The following CNTNAP2 variants were observed in gnomAD, a reference collection of about 807,000 sequenced individuals.
The protein encoded by CNTNAP2 is contactin associated protein 2, also known as contactin-associated protein-like 2.
CNTNAP2 carries 98 observed loss-of-function variants against 155.2 expected under a neutral mutation model. That is an observed-to-expected ratio of 0.63 (90% CI 0.54 to 0.75). The LOEUF is 0.75. Among genes scored for constraint, CNTNAP2 ranks in the 30% least tolerant of loss-of-function variants. The probability of loss-of-function intolerance (pLI) is 0.00; values close to 1 mark genes in which losing one functional copy is unlikely to be tolerated. For synonymous variants in CNTNAP2, 651 were observed against 631.2 expected (o/e 1.03, Z -0.47); for missense variants, 1,727 against 1,688.1 (o/e 1.02, Z -0.40).
chr7:146,633,065 T>G (rs1799535820), intron 1 of CNTNAP2, among the ~76,000 whole-genome samples: 1 of 152,150 alleles, frequency 6.6e-6, no homozygotes, highest in Non-Finnish European at 1.5e-5. Flanking sequence ...TTTTTCTTTG[T>G]CCCTTTTTTA....
chr7:148,137,485 C>T (rs1250780404), intron 16 of CNTNAP2, among the ~76,000 whole-genome samples: 1 of 152,166 alleles, frequency 6.6e-6, no homozygotes, highest in African/African-American at 2.4e-5. Context: ...CATGGCAAAA[C>T]CCCATCTCTA....
chr7:147,174,564 T>C (rs1802297005), intron 8 of CNTNAP2, among the ~76,000 whole-genome samples: 1 of 152,164 alleles, frequency 6.6e-6, no homozygotes, highest in South Asian at 2.1e-4. Context: ...GAACCGTGAC[T>C]TAGAAACTCT....
At chr7:148,123,230 C>T (rs192240018) in intron 16 of CNTNAP2, among the ~76,000 whole-genome samples, 2 of 152,064 alleles carry the variant, frequency 1.3e-5, no homozygotes, top group Admixed American at 6.6e-5. Context: ...ATGAGATTGC[C>T]CAAAACAAAT....
chr7:148,101,826 G>T (rs1804108050), intron 15 of CNTNAP2, among the ~76,000 whole-genome samples: 1 of 152,090 alleles, frequency 6.6e-6, no homozygotes, highest in Non-Finnish European at 1.5e-5. Context: ...CCATGCTATG[G>T]CAGGGGAAGC....
chr7:147,880,760 GT>G (rs1799505686), intron 13 of CNTNAP2, among the ~76,000 whole-genome samples: 1 of 151,908 alleles, frequency 6.6e-6, no homozygotes, highest in Non-Finnish European at 1.5e-5. Flanking sequence ...GAGAGGTCTG[GT>G]AAAATAAAAA....
At chr7:148,097,867 A>T (rs1465691354) in intron 15 of CNTNAP2, among the ~76,000 whole-genome samples, 1 of 152,250 alleles carries the variant, frequency 6.6e-6, no homozygotes, top group African/African-American at 2.4e-5. Context: ...AGAACAAAAT[A>T]GGCAAAGTGA....
At chr7:146,857,548 A>G (rs1291203323) in intron 3 of CNTNAP2, among the ~76,000 whole-genome samples, 1 of 152,198 alleles carries the variant, frequency 6.6e-6, no homozygotes, top group Non-Finnish European at 1.5e-5. Context: ...CTTTCCATTA[A>G]CTAGCTAATA....
At chr7:146,202,641 A>G (rs1180597273) in intron 1 of CNTNAP2, among the ~76,000 whole-genome samples, 1 of 152,138 alleles carries the variant, frequency 6.6e-6, no homozygotes, top group African/African-American at 2.4e-5. Context: ...AGAATATAAA[A>G]TGTCTACTAG....
intron 13 of CNTNAP2, among the ~76,000 whole-genome samples, chr7:147,823,935 A>C (rs1265143702): frequency 1.3e-5 from 2 of 152,172 alleles, no homozygotes; most frequent in African/African-American, 4.8e-5. Flanking sequence ...AACTCAATAT[A>C]AGAAGGCTAT....
chr7:147,461,637 C>A (rs1798027318), intron 10 of CNTNAP2, among the ~76,000 whole-genome samples: 1 of 151,796 alleles, frequency 6.6e-6, no homozygotes, highest in African/African-American at 2.4e-5. Flanking sequence ...TGGGGGCATT[C>A]TGAAATTTAA....
At chr7:146,133,826 A>G (rs1347769558) in intron 1 of CNTNAP2, among the ~76,000 whole-genome samples, 1 of 152,062 alleles carries the variant, frequency 6.6e-6, no homozygotes, top group African/African-American at 2.4e-5. Flanking sequence ...GCCTTGTAGT[A>G]TAGCTTGAAG....
intron 9 of CNTNAP2, among the ~76,000 whole-genome samples, chr7:147,364,853 A>G (rs1018692677): frequency 6.8e-6 from 1 of 147,182 alleles, no homozygotes; most frequent in Non-Finnish European, 1.5e-5. Flanking sequence ...AGTCTCGGGA[A>G]AAAAAAAAAA....
intron 2 of CNTNAP2, among the ~76,000 whole-genome samples, chr7:146,785,364 A>G (rs1470641230): frequency 6.6e-6 from 1 of 152,242 alleles, no homozygotes; most frequent in East Asian, 1.9e-4. Context: ...TTCTACCATC[A>G]GAAATATTCA....
At chr7:148,225,465 T>C (rs536405249) in intron 19 of CNTNAP2, among the ~76,000 whole-genome samples, 1 of 151,830 alleles carries the variant, frequency 6.6e-6, no homozygotes, top group Non-Finnish European at 1.5e-5. Flanking sequence ...ATGTGGATGG[T>C]GAGGAGTGAG....
rs35033097 is a variant in CNTNAP2 at position 146,395,826 on chromosome 7, GGAGA to G, written c.97+278880_97+278883del. Among the ~76,000 whole-genome samples the G allele has an allele frequency of 3.7e-3, 430 of 116,816 alleles. 3 individuals carry two copies. Among genetic ancestry groups the G allele is most frequent in the Middle Eastern group, 0.012 (3 of 244 alleles). 76.6% of individuals were successfully genotyped at this position (116,816 alleles called of 152,430 possible). A position where few individuals can be genotyped will look rare whatever the true frequency, so the allele number is the denominator to read the frequency against. ...ATAGATAGATAGATAGATAGATAGA[GGAGA>G]GAGAGAGAGAGAGAGAGAGAGAGAG... is the stretch of plus-strand genomic sequence containing the variant. On this transcript the variant is annotated intron_variant, in intron 1 of 23. Coordinates refer to ENST00000361727, the MANE Select transcript of CNTNAP2 (RefSeq NM_014141.6).
intron 3 of CNTNAP2, among the ~76,000 whole-genome samples, chr7:146,997,991 C>A (rs1046072383): frequency 1.3e-5 from 2 of 151,928 alleles, no homozygotes; most frequent in South Asian, 4.1e-4. Flanking sequence ...AAAAAACTAA[C>A]TCAGTTTTGT....
At chr7:146,797,193 C>T (rs1017248676) in intron 2 of CNTNAP2, among the ~76,000 whole-genome samples, 16 of 152,054 alleles carry the variant, frequency 1.1e-4, no homozygotes, top group Non-Finnish European at 1.3e-4. Context: ...AAGGGTGGGC[C>T]AGTTGCACCT....
intron 15 of CNTNAP2, among the ~76,000 whole-genome samples, chr7:148,053,332 G>T (rs1044902028): frequency 1.1e-4 from 16 of 152,140 alleles, no homozygotes; most frequent in African/African-American, 3.6e-4. Context: ...TTAAAATGTG[G>T]ATCTTAACTG....
intron 10 of CNTNAP2, among the ~76,000 whole-genome samples, chr7:147,412,541 A>G (rs1012447451): frequency 5.3e-5 from 8 of 152,158 alleles, no homozygotes; most frequent in African/African-American, 1.9e-4. Flanking sequence ...TGAGCTTCCC[A>G]AGAATGGGAA....
Sources: allele counts gnomAD v4.1 joint callset (sites outside exome capture counted in the v4.1 genomes callset), GRCh38; gene constraint gnomAD v4.1.1; transcripts MANE v1.5; gene names NCBI Gene and HGNC (gene_info 2026-07-23, HGNC 2026-07-21).